The following ADGRD2 variants were observed in gnomAD, a reference collection of about 807,000 sequenced individuals.
The protein encoded by ADGRD2 is G protein-coupled receptor PGR24.
A neutral mutation model predicts 44.4 loss-of-function variants in ADGRD2; 71 were observed. The observed-to-expected ratio is 1.60, with a 90% CI of 1.32 to 1.95. The LOEUF is 1.95. Ranked by LOEUF, ADGRD2 falls within the 30% of genes most tolerant of loss-of-function variation. The pLI, the probability that ADGRD2 is intolerant of heterozygous loss-of-function variation, is 0.00. For synonymous variants in ADGRD2, 481 were observed against 224.8 expected (o/e 2.14, Z -10.19); for missense variants, 1,039 against 512.4 (o/e 2.03, Z -9.92).
At chr9:124,452,069 C>T (rs540765990), upstream of ADGRD2, 1 of 713,758 alleles carries the variant, frequency 1.4e-6, no homozygotes, top group East Asian at 2.7e-5. Flanking sequence ...TCCCAGCCCC[C>T]ACCTGTCTTC....
chr9:124,464,822 A>T lies in ADGRD2; in HGVS notation c.1871-1436A>T, dbSNP rs10760363. Among the ~76,000 whole-genome samples, 5 of 151,712 alleles carry T rather than the reference A, an allele frequency of 3.3e-5. No individual in the cohort carries two copies. The East Asian group carries it at 9.7e-4, about 29-fold the overall frequency. On this transcript the variant is annotated intron_variant, in intron 10 of 21. Transcript: ENST00000334810. ...ATGCTGTGTGTGTACGTGTGTGTGT[A>T]TGTGTTTTCACAAGTATGCAGACCT...
intron 17 of ADGRD2, 49 bp from the exon 21 acceptor site, chr9:124,475,397 G>C (rs1475085337): frequency 1.4e-6 from 1 of 696,698 alleles, no homozygotes; most frequent in South Asian, 1.5e-5. Flanking sequence ...GGCTGTGGGG[G>C]ATGGGGTAGG....
chr9:124,456,024 T>G (rs527784848), intron 6 of ADGRD2, among the ~76,000 whole-genome samples: 1 of 152,168 alleles, frequency 6.6e-6, no homozygotes, highest in East Asian at 1.9e-4. Flanking sequence ...TCACCATGGG[T>G]AGTGAGCTCC....
chr9:124,468,670 G>A lies in ADGRD2; in HGVS notation c.2387G>A (p.Trp796Ter). Residue 796 changes from tryptophan to a stop codon, truncating the protein, a stop_gained and splice_region_variant, in exon 14 of 22, where the codon TGG becomes TAG. Coordinates refer to ENST00000334810, the Ensembl canonical transcript of ADGRD2. LOFTEE classifies it high-confidence loss of function. ...ATGCGGCTCTACCACGCCACAGGCT[G>A]GGGTGAGGCCTGCTCTGCACCCACA... is the stretch of plus-strand genomic sequence containing the variant. The A allele has an allele frequency of 1.4e-6, 1 of 714,988 alleles. No homozygotes were observed. Among genetic ancestry groups the A allele is most frequent in the Non-Finnish European group, 2.6e-6 (1 of 384,466 alleles). The allele number at this position is 714,988 out of a possible 1,614,324, so 44.3% of individuals were successfully genotyped here. A position where few individuals can be genotyped will look rare whatever the true frequency, so the allele number is the denominator to read the frequency against.
chr9:124,468,319 G>T, intron 13 of ADGRD2, 129 bp downstream of exon 16: 1 of 683,670 alleles, frequency 1.5e-6, no homozygotes, highest in South Asian at 1.6e-5. Context: ...AGCAGGGCCC[G>T]GGGAGGAGCA....
chr9:124,478,019 C>A (rs1464992845), intron 21 of ADGRD2, among the ~76,000 whole-genome samples: 1 of 152,180 alleles, frequency 6.6e-6, no homozygotes, highest in Non-Finnish European at 1.5e-5. Context: ...GACCCCACCC[C>A]GCGGGCCACT....
chr9:124,457,862 T>C (rs1252434783), intron 8 of ADGRD2, among the ~76,000 whole-genome samples: 2 of 152,216 alleles, frequency 1.3e-5, no homozygotes, highest in Non-Finnish European at 2.9e-5. Context: ...CTATGCTTGA[T>C]GCCATGCAGG....
At chr9:124,467,724 G>A (rs1281860742) in exon 12 of ADGRD2, 2 of 718,382 alleles carry the variant, frequency 2.8e-6, no homozygotes, top group Non-Finnish European at 5.2e-6. Context: ...CACACAGAGA[G>A]GCCCTGAGGA....
intron 10 of ADGRD2, among the ~76,000 whole-genome samples, chr9:124,460,400 T>C (rs1831707393): frequency 6.7e-6 from 1 of 150,120 alleles, no homozygotes; most frequent in South Asian, 2.1e-4. Context: ...TTTTTTTTAG[T>C]AGAGATGGGG....
chr9:124,476,897 T>A, intron 21 of ADGRD2, 188 bp downstream of exon 24: 1 of 703,718 alleles, frequency 1.4e-6, no homozygotes, highest in Non-Finnish European at 2.6e-6. Context: ...GCAGTACCCC[T>A]TGGGAGGACT....
chr9:124,468,762 C>G (rs1831882546), intron 14 of ADGRD2, 90 bp downstream of exon 17: 1 of 645,206 alleles, frequency 1.5e-6, no homozygotes, highest in Non-Finnish European at 2.8e-6. Flanking sequence ...ACACCCAGCA[C>G]TCAGCACCCA....
At chr9:124,462,707 G>A (rs896251144) in intron 10 of ADGRD2, among the ~76,000 whole-genome samples, 13 of 152,166 alleles carry the variant, frequency 8.5e-5, no homozygotes, top group African/African-American at 2.9e-4. Context: ...TTCATTGCTA[G>A]TATATAGTAA....
chr9:124,450,616 A>C (rs1225607624), upstream of ADGRD2, among the ~76,000 whole-genome samples: 1 of 152,232 alleles, frequency 6.6e-6, no homozygotes, highest in African/African-American at 2.4e-5. Flanking sequence ...AGTGGTGGGC[A>C]AACTTCGCAT....
At chr9:124,467,741 G>A (rs1158533834) in exon 12 of ADGRD2, 2 of 718,472 alleles carry the variant, frequency 2.8e-6, no homozygotes, top group Middle Eastern at 2.3e-4. Flanking sequence ...AGGAGGAGTC[G>A]CTGCTGAGGA....
At chr9:124,455,615 A>T (rs1831600201) in intron 6 of ADGRD2, among the ~76,000 whole-genome samples, 1 of 152,014 alleles carries the variant, frequency 6.6e-6, no homozygotes, top group Admixed American at 6.6e-5. Context: ...TTGCACTTTA[A>T]CAATAGCTTC....
intron 3 of ADGRD2, 149 bp downstream of exon 6, chr9:124,453,825 C>A (rs1453923928): frequency 1.6e-6 from 1 of 607,710 alleles, no homozygotes; most frequent in Non-Finnish European, 2.9e-6. Flanking sequence ...CCAGCATAAA[C>A]CTGGTCCCAG....
rs768834864 is a variant in ADGRD2 at position 124,454,452 on chromosome 9, C to G, written c.1023-32C>G. The stretch of plus-strand genomic sequence containing the variant: ...GGCATCTCTGGGCAGGGGTATTGCC[C>G]GGGGCCTAGCCTGGCATCCACTCCT... On this transcript the variant is annotated intron_variant, in intron 4 of 21. Coordinates refer to ENST00000334810, the Ensembl canonical transcript of ADGRD2. The surrounding 1 kb of genome is among the most constrained non-coding windows in gnomAD (Gnocchi z 4.5). The G allele has an allele frequency of 8.7e-5, 61 of 698,384 alleles. No individual in the cohort carries two copies. The African/African-American group carries it at 1.1e-3, about 12-fold the overall frequency. The allele number at this position is 698,384 out of a possible 1,614,324, so 43.3% of individuals were successfully genotyped here. A position where few individuals can be genotyped will look rare whatever the true frequency, so the allele number is the denominator to read the frequency against.
intron 10 of ADGRD2, among the ~76,000 whole-genome samples, chr9:124,459,998 G>A (rs931002568): frequency 2.0e-5 from 3 of 152,000 alleles, no homozygotes; most frequent in Admixed American, 6.6e-5. Flanking sequence ...TTCATTTCAC[G>A]CTTAATACAC....
chr9:124,460,633 A>G (rs1374834802), intron 10 of ADGRD2, among the ~76,000 whole-genome samples: 3 of 151,752 alleles, frequency 2.0e-5, no homozygotes, highest in Admixed American at 2.0e-4. Context: ...ACATTTCAAT[A>G]GCTCATTCCT....
Sources: allele counts gnomAD v4.1 joint callset (sites outside exome capture counted in the v4.1 genomes callset), GRCh38; gene constraint gnomAD v4.1.1; non-coding constraint Gnocchi (gnomAD v3.1); transcripts MANE v1.5; gene names NCBI Gene and HGNC (gene_info 2026-07-23, HGNC 2026-07-21).